The following PRKCH variants were observed in gnomAD, a reference collection of about 807,000 sequenced individuals.
The protein encoded by PRKCH is protein kinase C eta.
PRKCH carries 28 observed loss-of-function variants against 82.5 expected under a neutral mutation model. That is an observed-to-expected ratio of 0.34 (90% confidence interval 0.25 to 0.47). The LOEUF is 0.47. Ranked by LOEUF, PRKCH falls within the 20% of genes least tolerant of loss-of-function variation. PRKCH has a pLI of 1.00. For synonymous variants in PRKCH, 322 were observed against 327.4 expected, an observed-to-expected ratio of 0.98 and a Z score of 0.18; for missense variants, 705 against 881.8, an observed-to-expected ratio of 0.80 and a Z score of 2.54.
rs1555368618 is a variant in PRKCH at position 61,200,411 on chromosome 14, T to TGTG, written c.-19+12743_-19+12744insGTG. ...TGAGTGTGTGTGTGTGTGTGTGTGT[T>TGTG]TGTGTGTTACAGGATATTATAAGAA... On this transcript the variant is annotated intron_variant, in intron 1 of 3. Transcript: ENST00000555185. Among the ~76,000 whole-genome samples the TGTG allele has an allele frequency of 8.0e-3, 1,173 of 145,818 alleles. 16 individuals are homozygous for TGTG. Among genetic ancestry groups the TGTG allele is most frequent in the African/African-American group, 0.03 (1,102 of 37,318 alleles).
chr14:61,544,470 G>A (rs2043228727), intron 12 of PRKCH: 1 of 152,182 alleles, frequency 6.6e-6, no homozygotes, highest in Admixed American at 6.5e-5. Context: ...ATCAGTTCTA[G>A]TCTGTCTCTG....
chr14:61,354,673 T>C (rs1483756264), intron 1 of PRKCH, among the ~76,000 whole-genome samples: 1 of 152,196 alleles, frequency 6.6e-6, no homozygotes, highest in East Asian at 1.9e-4. Context: ...TTCCTCCCTC[T>C]CCCTTCACCT....
chr14:61,210,005 G>A (rs1464598882), intron 1 of PRKCH, among the ~76,000 whole-genome samples: 14 of 150,980 alleles, frequency 9.3e-5, no homozygotes, highest in African/African-American at 2.2e-4. Flanking sequence ...TTGGGAGGCC[G>A]AGGAGGGTGG....
intron 1 of PRKCH, among the ~76,000 whole-genome samples, chr14:61,230,784 C>T (rs2044737082): frequency 6.6e-6 from 1 of 152,212 alleles, no homozygotes; most frequent in African/African-American, 2.4e-5. Flanking sequence ...CCTTCTAATT[C>T]AGAACTCTGC....
At chr14:61,291,845 T>C (rs2045365826) in intron 1 of PRKCH, among the ~76,000 whole-genome samples, 1 of 152,168 alleles carries the variant, frequency 6.6e-6, no homozygotes, top group Admixed American at 6.6e-5. Context: ...GGGGAATCAA[T>C]ACTGAGCTTG....
At chr14:61,330,927 C>T (rs780705199) in intron 1 of PRKCH, among the ~76,000 whole-genome samples, 10 of 149,604 alleles carry the variant, frequency 6.7e-5, no homozygotes, top group South Asian at 2.2e-4. Context: ...ACATAAAATA[C>T]GCTAACACTA....
chr14:61,497,025 T>C (rs1886697210), intron 10 of PRKCH, among the ~76,000 whole-genome samples: 1 of 152,194 alleles, frequency 6.6e-6, no homozygotes. Flanking sequence ...GGAAAGTTTC[T>C]CTGATTGACC....
intron 1 of PRKCH, among the ~76,000 whole-genome samples, chr14:61,374,252 T>G (rs2046401692): frequency 6.6e-6 from 1 of 152,178 alleles, no homozygotes; most frequent in Non-Finnish European, 1.5e-5. Flanking sequence ...TCTGTGCCTA[T>G]GCAGGGTACA....
intron 1 of PRKCH, among the ~76,000 whole-genome samples, chr14:61,235,073 G>T (rs2044776618): frequency 1.3e-5 from 2 of 152,186 alleles, no homozygotes; most frequent in South Asian, 4.1e-4. Context: ...ATATCTACTT[G>T]TTGATCCCAG....
rs1211484924 is a variant in PRKCH at position 61,450,961 on chromosome 14, T to G, written c.822T>G (p.Leu274=). Residue 274 remains leucine (L), a synonymous_variant, in exon 6 of 14, where the codon CTT becomes CTG. Transcript: ENST00000332981. ...TCTGGGGAATAATGCGACAAGGACT[T>G]CAGTGTAAAAGTGAGATGCTGAGGT... ...SLLWGIMRQG[L]QCKICKMNVH... 6.2e-7 allele frequency: 1 copy of G among 1,613,872 alleles called. No homozygotes were observed. The highest frequency in any genetic ancestry group is 8.5e-7 in the Non-Finnish European group (1 of 1,179,932).
At chr14:61,215,559 C>G (rs1332487172) in intron 1 of PRKCH, among the ~76,000 whole-genome samples, 1 of 152,176 alleles carries the variant, frequency 6.6e-6, no homozygotes, top group Admixed American at 6.5e-5. Flanking sequence ...TCCAATTGGT[C>G]TGTTTCCTTA....
At position 61,502,038 on chromosome 14, in the gene PRKCH, ATCTTTTCTTT is replaced by A. The variant is rs764639878; in HGVS notation, c.1433+16404_1433+16413del. 1.5e-4 allele frequency among the ~76,000 whole-genome samples: 20 copies of A among 132,740 alleles called. No individual in the cohort carries two copies. The East Asian group carries it at 3.2e-3, about 21-fold the overall frequency. 87.1% of individuals were successfully genotyped at this position (132,740 alleles called of 152,430 possible). On this transcript the variant is annotated intron_variant, in intron 10 of 13. Coordinates refer to ENST00000332981, the MANE Select transcript of PRKCH (RefSeq NM_006255.5). ...CTTAAAGAAAGGTAGTAGGTAGGCA[ATCTTTTCTTT>A]TCTTTTCTTTTCTTTTCTTTTTTTT...
At chr14:61,469,997 A>T (rs1256742233) in intron 9 of PRKCH, among the ~76,000 whole-genome samples, 1 of 151,814 alleles carries the variant, frequency 6.6e-6, no homozygotes, top group Non-Finnish European at 1.5e-5. Context: ...CAGATTGTTC[A>T]TCTTATAGTC....
At chr14:61,544,451 A>C (rs1348754469) in intron 12 of PRKCH, 1 of 152,242 alleles carries the variant, frequency 6.6e-6, no homozygotes, top group African/African-American at 2.4e-5. Flanking sequence ...TCTGAGACCT[A>C]GGGCTGGTAT....
chr14:61,222,152 C>T (rs1423137423), intron 1 of PRKCH, among the ~76,000 whole-genome samples: 4 of 152,214 alleles, frequency 2.6e-5, no homozygotes, highest in African/African-American at 9.7e-5. Flanking sequence ...AGTTGTCAGA[C>T]TGGTTCTGAG....
chr14:61,460,749 G>A (rs1884992396), intron 9 of PRKCH, among the ~76,000 whole-genome samples: 1 of 152,150 alleles, frequency 6.6e-6, no homozygotes, highest in Non-Finnish European at 1.5e-5. Flanking sequence ...GTGAGAAGGT[G>A]CATTTCCCCG....
chr14:61,226,637 G>T (rs2044698371), intron 1 of PRKCH, among the ~76,000 whole-genome samples: 1 of 152,220 alleles, frequency 6.6e-6, no homozygotes, highest in Non-Finnish European at 1.5e-5. Context: ...GAATTATGTG[G>T]TTTCCACAAA....
At chr14:61,385,414 C>T (rs376772372) in intron 1 of PRKCH, among the ~76,000 whole-genome samples, 3 of 152,270 alleles carry the variant, frequency 2.0e-5, no homozygotes, top group African/African-American at 7.2e-5. Flanking sequence ...TTGAGCCTAA[C>T]CACTGCACGA....
rs2140322812 is a variant in PRKCH at position 61,480,189 on chromosome 14, A to G, written c.1279-5313A>G. On this transcript the variant is annotated intron_variant, in intron 9 of 13. Transcript: ENST00000332981. ...AATGGTTCTATGCACAGGTTTAAAT[A>G]CAGAAACAGTCATCTTTGCCATCTC... Among the ~76,000 whole-genome samples, 3 of 152,328 alleles carry G rather than the reference A, an allele frequency of 2.0e-5. No individual in the cohort carries two copies. In the Middle Eastern group the frequency reaches 0.01, roughly 518 times the overall value.
Sources: gnomAD v4.1 joint callset for allele counts (sites outside exome capture counted in the v4.1 genomes callset) on GRCh38, gnomAD v4.1.1 for gene constraint, MANE v1.5 for transcripts, NCBI Gene and HGNC (gene_info 2026-07-23, HGNC 2026-07-21) for gene names.